ARHGEF10L: variants seen among roughly 807,000 people sequenced by gnomAD.
The protein encoded by ARHGEF10L is rho guanine nucleotide exchange factor 10-like protein.
Under a neutral mutation model 141.2 loss-of-function variants are expected in ARHGEF10L, and 69 were observed. The observed-to-expected ratio is 0.49, with a 90% confidence interval of 0.40 to 0.60. The LOEUF (loss-of-function observed/expected upper bound fraction) is 0.60, where lower values mean the gene tolerates loss of function less well. Among genes scored for constraint, ARHGEF10L ranks in the 20% least tolerant of loss-of-function variants. ARHGEF10L has a pLI of 0.00. For missense variants in ARHGEF10L, 1,482 were observed against 1,734.3 expected (o/e 0.85, Z 2.58); for synonymous variants, 711 against 718.5 (o/e 0.99, Z 0.17).
At chr1:17,606,882 C>T (rs529767336) in intron 6 of ARHGEF10L, among the ~76,000 whole-genome samples, 4 of 152,280 alleles carry the variant, frequency 2.6e-5, no homozygotes, top group South Asian at 4.1e-4. Context: ...ATCTCATAGC[C>T]GAGTTGAATG....
intron 9 of ARHGEF10L, chr1:17,618,193 C>A: frequency 1.2e-6 from 1 of 819,168 alleles, no homozygotes; most frequent in Non-Finnish European, 1.8e-6. Flanking sequence ...GCCAGGCCAG[C>A]TGGCTGGGAA....
At chr1:17,600,440 C>T (rs777599407) in intron 4 of ARHGEF10L, among the ~76,000 whole-genome samples, 71 of 152,080 alleles carry the variant, frequency 4.7e-4, no homozygotes, top group Admixed American at 2.0e-3. Flanking sequence ...AAAAAATTCA[C>T]GTTAGAATAG....
chr1:17,686,093 TCTTTCTTTCTTTC>T (rs1481133061), intron 26 of ARHGEF10L, among the ~76,000 whole-genome samples: 3 of 147,406 alleles, frequency 2.0e-5, no homozygotes, highest in African/African-American at 7.8e-5. Context: ...TTTCTTTCTT[TCTTTCTTTCTTTC>T]TTTTTTTTTT....
intron 15 of ARHGEF10L, among the ~76,000 whole-genome samples, chr1:17,631,099 G>A (rs1312921519): frequency 6.7e-6 from 1 of 149,510 alleles, no homozygotes; most frequent in Non-Finnish European, 1.5e-5. Flanking sequence ...GGGGTGATCT[G>A]TCTTTTTCTC....
At chr1:17,694,790 T>A (rs115552472) in intron 27 of ARHGEF10L, 1 of 391,614 alleles carries the variant, frequency 2.6e-6, no homozygotes, top group Non-Finnish European at 5.0e-6. Context: ...CGTAGCTGGC[T>A]GGCTGGATCC....
At position 17,623,277 on chromosome 1, in the gene ARHGEF10L, T is replaced by C; in HGVS notation, c.1200+102T>C. ...AGCCTCCTGCCTCTGCCTGCTTGCC[T>C]TGTTCAAGTCAGTGGGATTAGAGGG... is the stretch of plus-strand genomic sequence containing the variant. On this transcript the variant is annotated intron_variant, in intron 12 of 28. Coordinates refer to ENST00000361221, the MANE Select transcript of ARHGEF10L (RefSeq NM_018125.4). The surrounding 1 kb of genome is among the most constrained non-coding windows in gnomAD (Gnocchi z 4.7). The C allele has an allele frequency of 7.1e-7, 1 of 1,406,242 alleles. No homozygotes were observed. The allele number at this position is 1,406,242 out of a possible 1,614,324, so 87.1% of individuals were successfully genotyped here. A position where few individuals can be genotyped will look rare whatever the true frequency, so the allele number is the denominator to read the frequency against.
intron 26 of ARHGEF10L, among the ~76,000 whole-genome samples, chr1:17,670,931 C>A (rs551111443): frequency 6.6e-6 from 1 of 152,256 alleles, no homozygotes; most frequent in Non-Finnish European, 1.5e-5. Context: ...GCTTAACTGC[C>A]GCCTCCTCAG....
chr1:17,630,491 G>C (rs967009178), intron 15 of ARHGEF10L, among the ~76,000 whole-genome samples: 1 of 152,176 alleles, frequency 6.6e-6, no homozygotes, highest in African/African-American at 2.4e-5. Context: ...AAATAGTGAG[G>C]CGGAGCCTGG....
intron 14 of ARHGEF10L, 65 bp downstream of exon 14, chr1:17,626,113 T>A (rs1321897630): frequency 1.4e-6 from 2 of 1,471,132 alleles, no homozygotes; most frequent in African/African-American, 2.8e-5. Flanking sequence ...AGGTGCCTCC[T>A]GGGGTAGGAG....
chr1:17,602,970 G>A (rs2080831901), intron 5 of ARHGEF10L, among the ~76,000 whole-genome samples: 1 of 152,012 alleles, frequency 6.6e-6, no homozygotes. Flanking sequence ...GGGAGCTGGT[G>A]TGGGGAGGAA....
intron 21 of ARHGEF10L, among the ~76,000 whole-genome samples, chr1:17,642,415 C>G (rs944325828): frequency 1.3e-5 from 2 of 152,180 alleles, no homozygotes; most frequent in Non-Finnish European, 2.9e-5. Flanking sequence ...TTCTGGGAAG[C>G]CGGGGAGAGC....
intron 26 of ARHGEF10L, among the ~76,000 whole-genome samples, chr1:17,671,566 G>T (rs955586845): frequency 6.6e-6 from 1 of 152,172 alleles, no homozygotes; most frequent in African/African-American, 2.4e-5. Context: ...CACAGGCCTG[G>T]GTCCTTCCTG....
At chr1:17,529,520 C>T in the ARHGEF10L span, among the ~76,000 whole-genome samples, 1 of 152,198 alleles carries the variant, frequency 6.6e-6, no homozygotes, top group African/African-American at 2.4e-5. Flanking sequence ...TGGGCTGGGT[C>T]TAAGGGGTTC....
At chr1:17,630,279 C>T (rs1185011651) in intron 15 of ARHGEF10L, among the ~76,000 whole-genome samples, 2 of 152,208 alleles carry the variant, frequency 1.3e-5, no homozygotes, top group Non-Finnish European at 2.9e-5. Flanking sequence ...TCCAGAGGGC[C>T]GTTTGTGCAA....
At chr1:17,663,557 GA>G (rs71014976) in intron 25 of ARHGEF10L, among the ~76,000 whole-genome samples, 90 of 126,150 alleles carry the variant, frequency 7.1e-4, no homozygotes, top group Admixed American at 2.1e-3. Context: ...CTGTCTCAAA[GA>G]AAAAAAAAAA....
intron 4 of ARHGEF10L, among the ~76,000 whole-genome samples, chr1:17,599,766 C>T (rs1026054487): frequency 7.1e-4 from 108 of 152,328 alleles, no homozygotes; most frequent in African/African-American, 2.5e-3. Context: ...CTGTTGACTT[C>T]TGGCAGTGAA....
chr1:17,591,198 G>A (rs543141910), intron 4 of ARHGEF10L, among the ~76,000 whole-genome samples: 2 of 152,342 alleles, frequency 1.3e-5, no homozygotes, highest in African/African-American at 4.8e-5. Context: ...TGCTGATGGT[G>A]CTGTGCTGAG....
chr1:17,655,923 T>C lies in ARHGEF10L; in HGVS notation c.2526T>C (p.Phe842=). The part of the protein sequence containing the change: ...QEGAGGQVEI[F]SLNRPSPRTV... The stretch of plus-strand genomic sequence containing the variant: ...GCGCAGGGGGCCAGGTGGAAATCTT[T>C]TCCTTGAACCGGCCCTCGCCCCGCA... Residue 842 remains phenylalanine (F), a synonymous_variant, in exon 24 of 29, where the codon TTT becomes TTC. Coordinates refer to ENST00000361221, the MANE Select transcript of ARHGEF10L (RefSeq NM_018125.4). 1 of 1,557,486 alleles carries C rather than the reference T, an allele frequency of 6.4e-7. No homozygotes were observed. Among genetic ancestry groups the C allele is most frequent in the African/African-American group, 1.4e-5 (1 of 73,830 alleles).
chr1:17,577,576 T>C (rs996208488), intron 1 of ARHGEF10L, among the ~76,000 whole-genome samples: 1 of 152,210 alleles, frequency 6.6e-6, no homozygotes, highest in Non-Finnish European at 1.5e-5. Flanking sequence ...GTGTGCAAAA[T>C]GGTGGCCACA....
Sources: allele counts gnomAD v4.1 joint callset (sites outside exome capture counted in the v4.1 genomes callset), GRCh38; gene constraint gnomAD v4.1.1; non-coding constraint Gnocchi (gnomAD v3.1); transcripts MANE v1.5; gene names NCBI Gene and HGNC (gene_info 2026-07-23, HGNC 2026-07-21).